Variants in RGS6 observed in about 807,000 individuals in gnomAD.
RGS6 encodes regulator of G-protein signaling 6.
RGS6 carries 30 observed loss-of-function variants against 78.5 expected under a neutral mutation model. That is an observed-to-expected ratio of 0.38 (90% CI 0.29 to 0.52). The LOEUF (loss-of-function observed/expected upper bound fraction) is 0.52. RGS6 is among the 20% of genes least tolerant of loss of function. The pLI, the probability that RGS6 is intolerant of heterozygous loss-of-function variation, is 0.85. For missense variants in RGS6, 495 were observed against 609.7 expected (o/e 0.81, Z 1.98); for synonymous variants, 206 against 206.0 (o/e 1.00, Z 0.00).
At chr14:72,156,870 C>T (rs1478639485) in intron 2 of RGS6, among the ~76,000 whole-genome samples, 1 of 152,154 alleles carries the variant, frequency 6.6e-6, no homozygotes, top group African/African-American at 2.4e-5. Context: ...TTGGCTTCTC[C>T]CGGCTTAAGT....
intron 2 of RGS6, among the ~76,000 whole-genome samples, chr14:72,267,932 G>C (rs1318402672): frequency 6.6e-6 from 1 of 152,210 alleles, no homozygotes; most frequent in African/African-American, 2.4e-5. Flanking sequence ...TGATGAGACA[G>C]GGAATGACAC....
chr14:72,021,771 C>CTTT (rs35520827), intron 2 of RGS6, among the ~76,000 whole-genome samples: 1 of 148,566 alleles, frequency 6.7e-6, no homozygotes, highest in African/African-American at 2.5e-5. Context: ...TGCGCCTGGC[C>CTTT]TTTTTTTTTT....
the RGS6 span, among the ~76,000 whole-genome samples, chr14:72,587,690 G>GC: frequency 1.3e-5 from 2 of 152,060 alleles, no homozygotes; most frequent in Non-Finnish European, 2.9e-5. Flanking sequence ...GAAAAATTCT[G>GC]CCCCTCAGAT....
At chr14:72,377,426 T>G (rs978621467) in intron 3 of RGS6, among the ~76,000 whole-genome samples, 3 of 152,004 alleles carry the variant, frequency 2.0e-5, no homozygotes, top group Non-Finnish European at 4.4e-5. Flanking sequence ...AAGGGAGAGA[T>G]AGACTACAAT....
chr14:72,628,229 A>G, the RGS6 span, among the ~76,000 whole-genome samples: 1 of 152,116 alleles, frequency 6.6e-6, no homozygotes, highest in Non-Finnish European at 1.5e-5. Context: ...TCCTCATTAA[A>G]TAAGATACTG....
intron 2 of RGS6, among the ~76,000 whole-genome samples, chr14:72,310,387 G>T (rs550384272): frequency 6.6e-6 from 1 of 152,292 alleles, no homozygotes; most frequent in South Asian, 2.1e-4. Context: ...ACTGAGCTTT[G>T]TCTTTCTGGA....
chr14:71,936,584 A>T (rs1267691181), intron 1 of RGS6, among the ~76,000 whole-genome samples: 2 of 149,484 alleles, frequency 1.3e-5, no homozygotes, highest in African/African-American at 5.1e-5. Context: ...TCAAATAAAG[A>T]CAATAATGAG....
rs564671246 is a variant in RGS6 at position 72,471,276 on chromosome 14, T to C, written c.536+1193T>C. The stretch of plus-strand genomic sequence containing the variant: ...TTCCTCTCTAAGGAAACATGAGGAA[T>C]GGGTACTCTATGTTCCCCACCCCAC... On this transcript the variant is annotated intron_variant, in intron 8 of 17. Coordinates refer to ENST00000553525, the MANE Select transcript of RGS6 (RefSeq NM_001204424.2). Among the ~76,000 whole-genome samples the C allele has an allele frequency of 1.1e-4, 16 of 152,320 alleles. No individual in the cohort carries two copies. The South Asian group carries it at 2.3e-3, about 22-fold the overall frequency.
intron 2 of RGS6, among the ~76,000 whole-genome samples, chr14:72,186,544 T>C (rs867668814): frequency 6.6e-6 from 1 of 152,154 alleles, no homozygotes; most frequent in Admixed American, 6.5e-5. Context: ...CAACTTTGAG[T>C]GTGCTGAGGT....
chr14:72,282,823 C>T (rs2061810512), intron 2 of RGS6, among the ~76,000 whole-genome samples: 1 of 152,112 alleles, frequency 6.6e-6, no homozygotes, highest in South Asian at 2.1e-4. Flanking sequence ...TTTTTAAGCG[C>T]ACAATACAGT....
rs919645800 is a variant in RGS6, at chr14:72,454,422, C to T, written c.185-106C>T. 8.1e-5 allele frequency: 93 copies of T among 1,151,848 alleles called. 1 individual carries two copies. The Middle Eastern group carries it at 1.5e-3, about 19-fold the overall frequency. 71.4% of individuals were successfully genotyped at this position (1,151,848 alleles called of 1,614,324 possible). On this transcript the variant is annotated intron_variant, in intron 3 of 17. Transcript: ENST00000553525. The stretch of plus-strand genomic sequence containing the variant: ...AAAGTGCCCATATTATCCTGCTCTA[C>T]AGTGTGGACTGTTTGGAATTAGGAT...
intron 2 of RGS6, among the ~76,000 whole-genome samples, chr14:72,329,711 G>A (rs142329488): frequency 2.0e-5 from 3 of 152,200 alleles, no homozygotes; most frequent in South Asian, 4.1e-4. Context: ...CACTCTTTGC[G>A]TAGGGTGAGC....
At chr14:72,174,458 C>T (rs2097076237) in intron 2 of RGS6, among the ~76,000 whole-genome samples, 1 of 152,174 alleles carries the variant, frequency 6.6e-6, no homozygotes, top group Admixed American at 6.5e-5. Context: ...CTCCCAGCCG[C>T]AAGGTAGGGG....
chr14:72,233,744 G>A (rs1344224792), intron 2 of RGS6, among the ~76,000 whole-genome samples: 1 of 152,132 alleles, frequency 6.6e-6, no homozygotes, highest in African/African-American at 2.4e-5. Context: ...GAAGAGAGAG[G>A]GTTGCAGGCT....
At chr14:72,043,814 T>G (rs2092624700) in intron 2 of RGS6, among the ~76,000 whole-genome samples, 1 of 152,200 alleles carries the variant, frequency 6.6e-6, no homozygotes, top group Non-Finnish European at 1.5e-5. Context: ...CTTCAACATT[T>G]CTTTTGCTTC....
the RGS6 span, among the ~76,000 whole-genome samples, chr14:71,913,386 A>G: frequency 3.3e-5 from 5 of 152,224 alleles, no homozygotes; most frequent in East Asian, 7.7e-4. Flanking sequence ...TGCACTCCCC[A>G]GTCTGCGGAT....
intron 2 of RGS6, among the ~76,000 whole-genome samples, chr14:72,163,244 A>G (rs948549875): frequency 6.6e-6 from 1 of 152,270 alleles, no homozygotes; most frequent in East Asian, 1.9e-4. Flanking sequence ...TCTTTATAAG[A>G]CTACTGTACC....
At chr14:72,034,734 G>A (rs1318663708) in intron 2 of RGS6, among the ~76,000 whole-genome samples, 1 of 152,100 alleles carries the variant, frequency 6.6e-6, no homozygotes, top group Non-Finnish European at 1.5e-5. Flanking sequence ...TTGAGAAGAA[G>A]TGGTGCCAAT....
intron 2 of RGS6, among the ~76,000 whole-genome samples, chr14:72,073,680 A>T (rs2094482113): frequency 6.6e-6 from 1 of 152,224 alleles, no homozygotes; most frequent in South Asian, 2.1e-4. Context: ...AGATGTGGTG[A>T]GAACATGCAA....
Sources: allele counts gnomAD v4.1 joint callset (sites outside exome capture counted in the v4.1 genomes callset), GRCh38; gene constraint gnomAD v4.1.1; transcripts MANE v1.5; gene names NCBI Gene and HGNC (gene_info 2026-07-23, HGNC 2026-07-21).